Variants in RGSL1 observed in about 807,000 individuals in gnomAD.
The protein encoded by RGSL1 is regulator of G protein signaling like 1, also known as regulator of G protein signaling protein-like.
RGSL1 carries 97 observed loss-of-function variants against 124.7 expected under a neutral mutation model. The observed-to-expected ratio is 0.78, with a 90% CI of 0.66 to 0.92. The LOEUF is 0.92. Ranked by LOEUF, RGSL1 falls within the 40% of genes least tolerant of loss-of-function variation. The pLI is 0.00. For synonymous variants in RGSL1, 424 were observed against 438.1 expected (o/e 0.97, Z 0.40); for missense variants, 1,233 against 1,288.4 (o/e 0.96, Z 0.66).
chr1:182,535,742 G>C (rs1357240230), intron 14 of RGSL1, among the ~76,000 whole-genome samples: 1 of 152,048 alleles, frequency 6.6e-6, no homozygotes, highest in Admixed American at 6.6e-5. Flanking sequence ...CATTCTTGCT[G>C]CTTTGTTTTC....
intron 9 of RGSL1, among the ~76,000 whole-genome samples, chr1:182,513,085 A>G (rs912702171): frequency 6.6e-6 from 1 of 152,232 alleles, no homozygotes; most frequent in Admixed American, 6.5e-5. Context: ...GTAGGTTTCC[A>G]GGCCTAGGGG....
At chr1:182,484,799 C>T (rs1654975437) in intron 6 of RGSL1, among the ~76,000 whole-genome samples, 1 of 152,190 alleles carries the variant, frequency 6.6e-6, no homozygotes, top group Admixed American at 6.5e-5. Flanking sequence ...GTGGGCAGAG[C>T]AGTTCCACTT....
intron 18 of RGSL1, among the ~76,000 whole-genome samples, chr1:182,551,658 A>G (rs1342890801): frequency 6.6e-6 from 1 of 152,228 alleles, no homozygotes; most frequent in Non-Finnish European, 1.5e-5. Context: ...AAGCAGACAT[A>G]TATATGTAAA....
chr1:182,520,031 TC>T (rs746996474), intron 9 of RGSL1, among the ~76,000 whole-genome samples: 2 of 152,172 alleles, frequency 1.3e-5, no homozygotes, highest in African/African-American at 4.8e-5. Flanking sequence ...AGTGCCATTT[TC>T]CCCCCTTGGT....
At chr1:182,542,233 T>G (rs917512326) in intron 15 of RGSL1, among the ~76,000 whole-genome samples, 2 of 152,148 alleles carry the variant, frequency 1.3e-5, no homozygotes, top group African/African-American at 4.8e-5. Context: ...TTTATTTGAT[T>G]TTTGTATATG....
intron 9 of RGSL1, among the ~76,000 whole-genome samples, chr1:182,518,071 GCT>G (rs3031801): frequency 0.86 from 131,369 of 151,996 alleles, 57,089 homozygotes; most frequent in Non-Finnish European, 0.89. Context: ...ACAGAGTTTT[GCT>G]CTGTCACCCA....
At chr1:182,454,586 ATGTGTGTGTGTGTGTGTG>A (rs68163917) in intron 2 of RGSL1, among the ~76,000 whole-genome samples, 1 of 144,508 alleles carries the variant, frequency 6.9e-6, no homozygotes, top group South Asian at 2.3e-4. Context: ...CTTGAGTTGT[ATGTGTGTGTGTGTGTGTG>A]TGTGTGTGTG....
intron 9 of RGSL1, 121 bp downstream of exon 9, chr1:182,493,250 A>G (rs1306770329): frequency 2.9e-6 from 2 of 683,138 alleles, no homozygotes; most frequent in African/African-American, 1.8e-5. Context: ...TCTGTTGGAA[A>G]TGGAGAGGTG....
chr1:182,462,110 T>C (rs1652890825), intron 4 of RGSL1, among the ~76,000 whole-genome samples: 1 of 151,956 alleles, frequency 6.6e-6, no homozygotes, highest in African/African-American at 2.4e-5. Context: ...TTGAAAACAG[T>C]AAGAGAGAGA....
At chr1:182,490,135 T>C (rs1655411405) in intron 8 of RGSL1, among the ~76,000 whole-genome samples, 1 of 152,228 alleles carries the variant, frequency 6.6e-6, no homozygotes, top group South Asian at 2.1e-4. Flanking sequence ...TTTCATGTCA[T>C]ATAAAAGCTA....
intron 9 of RGSL1, among the ~76,000 whole-genome samples, chr1:182,494,112 G>T (rs1366198069): frequency 6.6e-6 from 1 of 152,082 alleles, no homozygotes; most frequent in African/African-American, 2.4e-5. Context: ...TGAGCCCCCG[G>T]TCATCACGAC....
chr1:182,526,725 G>C (rs2102254415), intron 10 of RGSL1, among the ~76,000 whole-genome samples: 2 of 152,152 alleles, frequency 1.3e-5, no homozygotes, highest in Middle Eastern at 6.8e-3. Flanking sequence ...AAAATAAGGG[G>C]GGAGAAATTC....
intron 9 of RGSL1, among the ~76,000 whole-genome samples, chr1:182,494,483 T>C (rs1655764243): frequency 6.6e-6 from 1 of 152,176 alleles, no homozygotes; most frequent in African/African-American, 2.4e-5. Context: ...ATTTCACCCT[T>C]TTCTTTTTAG....
intron 6 of RGSL1, among the ~76,000 whole-genome samples, chr1:182,484,073 G>T (rs1486639949): frequency 6.6e-6 from 1 of 152,112 alleles, no homozygotes; most frequent in East Asian, 1.9e-4. Flanking sequence ...GAAGCCAGGC[G>T]CAGTGGCACC....
At chr1:182,557,428 G>C (rs1348169975) in intron 21 of RGSL1, among the ~76,000 whole-genome samples, 2 of 152,148 alleles carry the variant, frequency 1.3e-5, no homozygotes, top group Non-Finnish European at 2.9e-5. Flanking sequence ...CAAGTCACAA[G>C]CCCCAGGCAT....
intron 21 of RGSL1, among the ~76,000 whole-genome samples, chr1:182,557,969 T>A (rs1660957698): frequency 1.3e-5 from 2 of 152,116 alleles, no homozygotes; most frequent in South Asian, 4.2e-4. Context: ...TGTGGTGAAC[T>A]GGAGAACGTG....
At chr1:182,499,615 G>T (rs1054505341) in intron 9 of RGSL1, among the ~76,000 whole-genome samples, 2 of 152,106 alleles carry the variant, frequency 1.3e-5, no homozygotes, top group African/African-American at 4.8e-5. Context: ...GTTGGGTCTT[G>T]CTTTTTTATC....
rs555998941 is a variant in RGSL1 at position 182,460,944 on chromosome 1, G to A, written c.301+811G>A. Among the ~76,000 whole-genome samples the A allele has an allele frequency of 2.6e-5, 4 of 152,210 alleles. No homozygotes were observed. The East Asian group carries it at 5.8e-4, about 22-fold the overall frequency. On this transcript the variant is annotated intron_variant, in intron 4 of 21. Transcript: ENST00000294854. ...TGGGGCAGCTTACAGGAGCCAGGGT[G>A]GGCAAAAAGAATCTTGTCTTCCAAA... is the stretch of plus-strand genomic sequence containing the variant.
intron 9 of RGSL1, among the ~76,000 whole-genome samples, chr1:182,515,643 A>G (rs1335699374): frequency 6.6e-6 from 1 of 151,764 alleles, no homozygotes; most frequent in African/African-American, 2.4e-5. Context: ...GCCAGTTTAG[A>G]CCAGTGAGGA....
Sources: gnomAD v4.1 joint callset for allele counts (sites outside exome capture counted in the v4.1 genomes callset) on GRCh38, gnomAD v4.1.1 for gene constraint, MANE v1.5 for transcripts, NCBI Gene and HGNC (gene_info 2026-07-23, HGNC 2026-07-21) for gene names.